The following STXBP5L variants were observed in gnomAD, a reference collection of about 807,000 sequenced individuals.
STXBP5L encodes the protein syntaxin binding protein 5L.
Under a neutral mutation model 144.5 loss-of-function variants are expected in STXBP5L, and 65 were observed. The ratio of observed to expected loss-of-function variants is 0.45; its 90% CI spans 0.37 to 0.55. STXBP5L has a LOEUF of 0.55. Among genes scored for constraint, STXBP5L ranks in the 20% least tolerant of loss-of-function variants. STXBP5L has a pLI of 0.00. For synonymous variants in STXBP5L, 505 were observed against 469.6 expected (o/e 1.08, Z -0.97); for missense variants, 1,298 against 1,405.5 (o/e 0.92, Z 1.22).
intron 2 of STXBP5L, among the ~76,000 whole-genome samples, chr3:120,932,326 C>G (rs989638475): frequency 2.0e-5 from 3 of 152,158 alleles, no homozygotes; most frequent in Admixed American, 1.3e-4. Flanking sequence ...TATTTATTTA[C>G]ATTTCTTTCC....
intron 18 of STXBP5L, among the ~76,000 whole-genome samples, chr3:121,265,526 T>C (rs555673125): frequency 5.9e-5 from 9 of 152,120 alleles, no homozygotes; most frequent in Non-Finnish European, 1.3e-4. Context: ...GCAGGAAAGA[T>C]CTAAAATTGA....
intron 7 of STXBP5L, among the ~76,000 whole-genome samples, chr3:121,130,917 T>C (rs911794642): frequency 1.3e-5 from 2 of 152,066 alleles, no homozygotes; most frequent in East Asian, 3.8e-4. Flanking sequence ...AAACAATTTG[T>C]AGTCTTTAAA....
chr3:121,346,549 C>G (rs1310593407), intron 20 of STXBP5L, among the ~76,000 whole-genome samples: 1 of 152,132 alleles, frequency 6.6e-6, no homozygotes, highest in East Asian at 1.9e-4. Flanking sequence ...AATGGTTGAA[C>G]TAGTTTACAG....
chr3:121,304,317 A>T (rs986048310), intron 19 of STXBP5L, among the ~76,000 whole-genome samples: 1 of 152,190 alleles, frequency 6.6e-6, no homozygotes, highest in Non-Finnish European at 1.5e-5. Flanking sequence ...TGTAACTGAC[A>T]GAACAAATAG....
intron 5 of STXBP5L, among the ~76,000 whole-genome samples, chr3:121,085,913 C>T (rs1346853884): frequency 2.6e-5 from 4 of 152,148 alleles, no homozygotes; most frequent in Non-Finnish European, 4.4e-5. Context: ...ACACTGACTT[C>T]AAACTATACC....
chr3:121,115,708 G>A (rs2044203964), intron 6 of STXBP5L, among the ~76,000 whole-genome samples: 3 of 152,120 alleles, frequency 2.0e-5, no homozygotes, highest in Admixed American at 2.0e-4. Flanking sequence ...TTGGCTTATG[G>A]TTCTACAGGC....
intron 7 of STXBP5L, among the ~76,000 whole-genome samples, chr3:121,145,381 T>G (rs1006979516): frequency 1.5e-4 from 23 of 152,000 alleles, no homozygotes; most frequent in African/African-American, 5.5e-4. Context: ...GCTGAAAAAG[T>G]CTTTGAATAA....
chr3:121,077,378 G>A (rs575561039), intron 5 of STXBP5L, among the ~76,000 whole-genome samples: 16 of 152,196 alleles, frequency 1.1e-4, no homozygotes, highest in African/African-American at 2.9e-4. Flanking sequence ...CGGAGTGTTC[G>A]GAGTTTGTTC....
chr3:121,067,322 A>G (rs2041595826), intron 5 of STXBP5L, among the ~76,000 whole-genome samples: 1 of 152,142 alleles, frequency 6.6e-6, no homozygotes, highest in South Asian at 2.1e-4. Flanking sequence ...CATCCAACAG[A>G]TTTTATGTCT....
At chr3:121,263,793 C>T (rs954354780) in intron 18 of STXBP5L, among the ~76,000 whole-genome samples, 1 of 152,044 alleles carries the variant, frequency 6.6e-6, no homozygotes, top group African/African-American at 2.4e-5. Flanking sequence ...AACAAAGCCT[C>T]CAAGAAATAT....
At chr3:121,392,988 GTTAT>G (rs1435274862) in intron 22 of STXBP5L, among the ~76,000 whole-genome samples, 1 of 151,692 alleles carries the variant, frequency 6.6e-6, no homozygotes, top group Non-Finnish European at 1.5e-5. Context: ...TTTATTTTTA[GTTAT>G]TTGAGACATC....
At chr3:121,159,980 C>A (rs542119031) in intron 9 of STXBP5L, among the ~76,000 whole-genome samples, 2 of 152,248 alleles carry the variant, frequency 1.3e-5, no homozygotes, top group South Asian at 4.1e-4. Context: ...TTGTGTTTTT[C>A]ATTTTGTATG....
chr3:121,229,143 C>T (rs535346723), intron 11 of STXBP5L, among the ~76,000 whole-genome samples: 1 of 152,160 alleles, frequency 6.6e-6, no homozygotes, highest in South Asian at 2.1e-4. Flanking sequence ...CCTCTTTCTT[C>T]TTAAGTAACC....
At chr3:121,076,500 T>C (rs9843421) in intron 5 of STXBP5L, among the ~76,000 whole-genome samples, 15,061 of 152,152 alleles carry the variant, frequency 0.099, 1,158 homozygotes, top group Admixed American at 0.2. Context: ...CAGTAGGTCT[T>C]AAAGTAGGCT....
At chr3:121,196,612 T>G (rs2047929892) in intron 9 of STXBP5L, among the ~76,000 whole-genome samples, 1 of 152,164 alleles carries the variant, frequency 6.6e-6, no homozygotes, top group African/African-American at 2.4e-5. Flanking sequence ...TTTTTTATTT[T>G]TCTATATTTT....
At chr3:120,959,340 A>G (rs537050685) in intron 3 of STXBP5L, among the ~76,000 whole-genome samples, 1 of 152,340 alleles carries the variant, frequency 6.6e-6, no homozygotes, top group East Asian at 1.9e-4. Flanking sequence ...GGTAATTTAT[A>G]GATTCAATGC....
intron 11 of STXBP5L, among the ~76,000 whole-genome samples, chr3:121,229,463 A>C (rs1196866522): frequency 1.3e-5 from 2 of 152,118 alleles, no homozygotes; most frequent in African/African-American, 4.8e-5. Flanking sequence ...GGTAACCTTA[A>C]ATTTTATTAA....
chr3:121,350,533 G>A lies in STXBP5L; in HGVS notation c.2177-28183G>A, dbSNP rs144170467. Among the ~76,000 whole-genome samples the A allele has an allele frequency of 4.7e-4, 71 of 152,208 alleles. 1 individual carries two copies. The highest frequency in any genetic ancestry group is 1.5e-3 in the African/African-American group (64 of 41,516). On this transcript the variant is annotated intron_variant, in intron 20 of 26. Coordinates refer to ENST00000471454, the MANE Select transcript of STXBP5L (RefSeq NM_001308330.2). ...CTTGCTAGATTGGGGAAGTTCTCCTGGATAATATTCTGCAGAGTGTTTTCC... is the reference window on the plus strand; with the variant it reads ...CTTGCTAGATTGGGGAAGTTCTCCTAGATAATATTCTGCAGAGTGTTTTCC...
chr3:120,968,606 A>T (rs1297039422), intron 3 of STXBP5L, among the ~76,000 whole-genome samples: 1 of 151,980 alleles, frequency 6.6e-6, no homozygotes, highest in Non-Finnish European at 1.5e-5. Flanking sequence ...GGGGGTACAG[A>T]TTGTTTCTGG....
Sources: allele counts gnomAD v4.1 joint callset (sites outside exome capture counted in the v4.1 genomes callset), GRCh38; gene constraint gnomAD v4.1.1; transcripts MANE v1.5; gene names NCBI Gene and HGNC (gene_info 2026-07-23, HGNC 2026-07-21).